The following NWD1 variants were observed in gnomAD, a reference collection of about 807,000 sequenced individuals.
NWD1 encodes the protein NACHT domain- and WD repeat-containing protein 1.
NWD1 carries 129 observed loss-of-function variants against 135.1 expected under a neutral mutation model. The ratio of observed to expected loss-of-function variants is 0.96; its 90% confidence interval spans 0.83 to 1.11. NWD1 has a LOEUF of 1.11. Ranked by LOEUF, NWD1 falls within the 50% of genes least tolerant of loss-of-function variation. NWD1 has a pLI of 0.00. For synonymous variants in NWD1, 773 were observed against 786.0 expected (o/e 0.98, Z 0.28); for missense variants, 1,740 against 1,851.3 (o/e 0.94, Z 1.10).
chr19:16,765,027 C>T lies in NWD1; in HGVS notation c.2252-7C>T, dbSNP rs1466136536. 3.7e-6 allele frequency: 6 copies of T among 1,614,042 alleles called. No homozygotes were observed. Among genetic ancestry groups the T allele is most frequent in the Admixed American group, 1.7e-5 (1 of 60,000 alleles). ...CTTCCCACATCCTCCCCCCTTCTCTCCCTCAGGCAGCATGAGCTGGATTTC... is the reference window on the plus strand; with the variant it reads ...CTTCCCACATCCTCCCCCCTTCTCTTCCTCAGGCAGCATGAGCTGGATTTC... On this transcript the variant is annotated splice_polypyrimidine_tract_variant and splice_region_variant and intron_variant, in intron 9 of 18. Transcript: ENST00000524140.
At chr19:16,757,014 T>C (rs1469665087) in intron 6 of NWD1, among the ~76,000 whole-genome samples, 1 of 152,128 alleles carries the variant, frequency 6.6e-6, no homozygotes, top group East Asian at 1.9e-4. Context: ...GATGGGACTG[T>C]CTACTTTCAG....
chr19:16,736,784 C>A, intron 4 of NWD1, 34 bp downstream of exon 4: 1 of 1,243,026 alleles, frequency 8.0e-7, no homozygotes. Context: ...TTAGCTCTTA[C>A]TCCTCCAGGA....
chr19:16,749,022 G>T, intron 5 of NWD1, 117 bp from the exon 6 acceptor site: 2 of 757,178 alleles, frequency 2.6e-6, no homozygotes, highest in Non-Finnish European at 4.3e-6. Flanking sequence ...TCTGGTGCAC[G>T]TTAATCTTGA....
At position 16,781,585 on chromosome 19, in the gene NWD1, T is replaced by C. The variant is rs887592408; in HGVS notation, c.2731+2120T>C. Reference sequence around the variant, plus strand: ...GAGCTGTGATTACACCACTGTACTCTAGCCTGTGCAACACAGCGAGACCCT... The same window carrying C: ...GAGCTGTGATTACACCACTGTACTCCAGCCTGTGCAACACAGCGAGACCCT... On this transcript the variant is annotated intron_variant, in intron 12 of 18. Transcript: ENST00000524140. 9.9e-5 allele frequency among the ~76,000 whole-genome samples: 15 copies of C among 151,672 alleles called. 1 individual carries two copies. The highest frequency in any genetic ancestry group is 3.1e-4 in the African/African-American group (13 of 41,276).
intron 18 of NWD1, among the ~76,000 whole-genome samples, chr19:16,808,714 C>A (rs1341307084): frequency 6.6e-6 from 1 of 151,906 alleles, no homozygotes; most frequent in Non-Finnish European, 1.5e-5. Flanking sequence ...CTCCAGTGAT[C>A]CTCCCGCCTC....
intron 17 of NWD1, among the ~76,000 whole-genome samples, chr19:16,800,366 T>A (rs1330708430): frequency 6.6e-6 from 1 of 152,194 alleles, no homozygotes; most frequent in East Asian, 1.9e-4. Context: ...AAACCCTGTC[T>A]CTACTAAAAA....
At chr19:16,743,136 C>T (rs1477600383) in intron 4 of NWD1, among the ~76,000 whole-genome samples, 1 of 151,830 alleles carries the variant, frequency 6.6e-6, no homozygotes, top group Non-Finnish European at 1.5e-5. Context: ...TCGAACTCCT[C>T]TTGACCTCAA....
rs773949805 is a variant in NWD1 at position 16,779,366 on chromosome 19, G to C, written c.2632G>C (p.Val878Leu). Residue 878 changes from valine (V) to leucine (L), a missense_variant, in exon 12 of 19, where the codon GTG becomes CTG. Coordinates refer to ENST00000524140, the MANE Select transcript of NWD1 (RefSeq NM_001007525.5). ...HKGITAMAWG[V>L]EEKLLVIGTQ... is the part of the protein sequence containing the mutation. ...AGGCATCACCGCCATGGCATGGGGT[G>C]TGGAGGAGAAGCTGCTGGTGATTGG... 3 of 1,613,894 alleles carry C rather than the reference G, an allele frequency of 1.9e-6. No individual in the cohort carries two copies. In the Admixed American group the frequency reaches 5.0e-5, roughly 27 times the overall value.
intron 12 of NWD1, among the ~76,000 whole-genome samples, chr19:16,781,386 C>T (rs1969847687): frequency 1.3e-5 from 2 of 152,110 alleles, no homozygotes; most frequent in South Asian, 4.1e-4. Context: ...GAGGCTGAGG[C>T]AGGCAGATCA....
rs772007080 is a variant in NWD1, at chr19:16,744,630, C to A, written c.408C>A (p.Thr136=). The change falls in exon 5 of 19, where the codon ACC becomes ACA. Residue 136 remains threonine, a synonymous_variant. Transcript: ENST00000524140. ...AGGCCTGTGAACCAGAGGAGGCCACCTTAACTTCTGTCCTACGCTCTGGAG... is the reference window on the plus strand; with the variant it reads ...AGGCCTGTGAACCAGAGGAGGCCACATTAACTTCTGTCCTACGCTCTGGAG... The part of the protein sequence containing the change: ...TGEACEPEEA[T]LTSVLRSGAQ... The A allele has an allele frequency of 3.9e-6, 6 of 1,535,248 alleles. No homozygotes were observed. In the South Asian group the frequency reaches 7.1e-5, roughly 18 times the overall value.
At chr19:16,784,199 T>A (rs1969959911) in intron 12 of NWD1, among the ~76,000 whole-genome samples, 1 of 149,486 alleles carries the variant, frequency 6.7e-6, no homozygotes. Context: ...TGAGACTCAG[T>A]CTTAAAAAGA....
At chr19:16,802,334 C>T (rs1229550824) in intron 17 of NWD1, among the ~76,000 whole-genome samples, 1 of 150,210 alleles carries the variant, frequency 6.7e-6, no homozygotes, top group Non-Finnish European at 1.5e-5. Flanking sequence ...GTGATATTCA[C>T]CTGTAGTCTC....
At position 16,750,239 on chromosome 19, in the gene NWD1, C is replaced by A. The variant is rs1968518894; in HGVS notation, c.1597C>A (p.Pro533Thr). ...GGCCAGCCTCCCAGAGTGTGGGAAC[C>A]CAGGGCGGCTGAGGCTGGCGTTTGA... ...LWASLPECGN[P>T]GRLRLAFEEA... Residue 533 changes from proline to threonine, a missense_variant, in exon 6 of 19, where the codon CCA becomes ACA. Transcript: ENST00000524140. 1 of 1,613,594 alleles carries A rather than the reference C, an allele frequency of 6.2e-7. No homozygotes were observed.
chr19:16,735,853 G>A (rs1268568555), intron 3 of NWD1, among the ~76,000 whole-genome samples: 2 of 53,418 alleles, frequency 3.7e-5, no homozygotes, highest in African/African-American at 2.2e-4. Flanking sequence ...AAGGAAGGAA[G>A]GAAGGAAGGA....
chr19:16,732,781 T>C (rs1039400884), intron 3 of NWD1, among the ~76,000 whole-genome samples: 1 of 151,862 alleles, frequency 6.6e-6, no homozygotes, highest in Non-Finnish European at 1.5e-5. Flanking sequence ...ACTACAGACA[T>C]GCAGCGCTAT....
chr19:16,798,568 G>A (rs1394364216), intron 16 of NWD1, among the ~76,000 whole-genome samples: 3 of 152,106 alleles, frequency 2.0e-5, no homozygotes, highest in Non-Finnish European at 4.4e-5. Context: ...CTGTGATTAC[G>A]CCACTGCACT....
chr19:16,780,470 A>G (rs1201210889), intron 12 of NWD1, among the ~76,000 whole-genome samples: 2 of 151,986 alleles, frequency 1.3e-5, no homozygotes, highest in Non-Finnish European at 2.9e-5. Context: ...GCAGGGTTTC[A>G]AGAAAACAAG....
intron 6 of NWD1, among the ~76,000 whole-genome samples, chr19:16,757,722 A>AG (rs1968851254): frequency 6.6e-6 from 1 of 152,168 alleles, no homozygotes; most frequent in Admixed American, 6.6e-5. Flanking sequence ...ACCCATGACC[A>AG]GGGGCACATC....
chr19:16,752,214 G>GTTTTTT (rs1568353482), intron 6 of NWD1, among the ~76,000 whole-genome samples: 1 of 146,942 alleles, frequency 6.8e-6, no homozygotes, highest in Non-Finnish European at 1.5e-5. Context: ...TCAGTTTTAG[G>GTTTTTT]GTTGTTTTTT....
Sources: allele counts gnomAD v4.1 joint callset (sites outside exome capture counted in the v4.1 genomes callset), GRCh38; gene constraint gnomAD v4.1.1; transcripts MANE v1.5; gene names NCBI Gene and HGNC (gene_info 2026-07-23, HGNC 2026-07-21).